The following ACOX2 variants were observed in gnomAD, a reference collection of about 807,000 sequenced individuals.
ACOX2 encodes the protein acyl-CoA oxidase 2, also known as peroxisomal acyl-coenzyme A oxidase 2.
A neutral mutation model predicts 77.5 loss-of-function variants in ACOX2; 59 were observed. The ratio of observed to expected loss-of-function variants is 0.76; its 90% CI spans 0.62 to 0.95. ACOX2 has a LOEUF of 0.95. ACOX2 is among the 40% of genes least tolerant of loss of function. The probability of loss-of-function intolerance (pLI) is 0.00; values close to 1 mark genes in which losing one functional copy is unlikely to be tolerated. For missense variants in ACOX2, 837 were observed against 880.4 expected (o/e 0.95, Z 0.62); for synonymous variants, 317 against 340.1 (o/e 0.93, Z 0.75).
At position 58,521,796 on chromosome 3, in the gene ACOX2, T is replaced by C. The variant is rs1257027810; in HGVS notation, c.1632+700A>G. On this transcript the variant is annotated intron_variant, in intron 12 of 14. Transcript: ENST00000302819. This position sits in a 1 kb window ranked among gnomAD's most constrained non-coding sequence, Gnocchi z 4.8. ...TCTCCTTAGGTCCTCCTTGGGAGAT[T>C]TGCACTTCCTCCCAAGCACACCAGG... Among the ~76,000 whole-genome samples, 5 of 152,132 alleles carry C rather than the reference T, an allele frequency of 3.3e-5. No individual in the cohort carries two copies. Among genetic ancestry groups the C allele is most frequent in the Non-Finnish European group, 5.9e-5 (4 of 68,022 alleles).
intron 5 of ACOX2, among the ~76,000 whole-genome samples, chr3:58,532,909 A>G (rs765376130): frequency 6.6e-6 from 1 of 152,216 alleles, no homozygotes; most frequent in Non-Finnish European, 1.5e-5. Flanking sequence ...ACCAAGCCTC[A>G]GGGACGCTTG....
intron 14 of ACOX2, among the ~76,000 whole-genome samples, chr3:58,506,875 G>A (rs541621074): frequency 2.7e-4 from 41 of 152,236 alleles, no homozygotes; most frequent in African/African-American, 9.6e-4. Context: ...GTCTCTTATT[G>A]CAGCTTCAAA....
In ACOX2 at chr3:58,531,429, TC is replaced by T; in HGVS notation, c.704-64del. The T allele has an allele frequency of 1.4e-6, 2 of 1,456,104 alleles. No individual in the cohort carries two copies. Among genetic ancestry groups the T allele is most frequent in the Non-Finnish European group, 1.9e-6 (2 of 1,043,538 alleles). The allele number at this position is 1,456,104 out of a possible 1,614,324, so 90.2% of individuals were successfully genotyped here. ...GAGAGTGCTTGCTATGTGGCAGGTA[TC>T]ATACACACATTCCAGGTCACAGCAG... is the stretch of plus-strand genomic sequence containing the variant. On this transcript the variant is annotated intron_variant, in intron 6 of 14. Coordinates refer to ENST00000302819, the MANE Select transcript of ACOX2 (RefSeq NM_003500.4). This position sits in a 1 kb window ranked among gnomAD's most constrained non-coding sequence, Gnocchi z 5.8.
chr3:58,530,750 C>A (rs1197124538), intron 7 of ACOX2, 112 bp from the exon 8 acceptor site: 3 of 1,298,646 alleles, frequency 2.3e-6, no homozygotes, highest in African/African-American at 1.5e-5. Context: ...CCTCAACCGG[C>A]GCATCTGGAG....
At chr3:58,511,189 A>T (rs956632125) in intron 13 of ACOX2, 19 of 345,444 alleles carry the variant, frequency 5.5e-5, no homozygotes, top group Non-Finnish European at 1.1e-4. Context: ...TTCCTCTTGC[A>T]TACTGGAGAA....
At position 58,521,162 on chromosome 3, in the gene ACOX2, G is replaced by A. The variant is rs945614076; in HGVS notation, c.1632+1334C>T. On this transcript the variant is annotated intron_variant, in intron 12 of 14. Transcript: ENST00000302819. This position sits in a 1 kb window ranked among gnomAD's most constrained non-coding sequence, Gnocchi z 4.8. Reference sequence around the variant, plus strand: ...TGACAGGACAGTTAGCACAGCAGGGGGTGCCCCTGCTGTAGGCTGAGCAGA... The same window carrying A: ...TGACAGGACAGTTAGCACAGCAGGGAGTGCCCCTGCTGTAGGCTGAGCAGA... Among the ~76,000 whole-genome samples the A allele has an allele frequency of 1.3e-5, 2 of 152,174 alleles. No individual in the cohort carries two copies. The highest frequency in any genetic ancestry group is 2.9e-5 in the Non-Finnish European group (2 of 68,030).
intron 7 of ACOX2, 116 bp from the exon 8 acceptor site, chr3:58,530,754 T>C: frequency 7.8e-7 from 1 of 1,279,674 alleles, no homozygotes; most frequent in African/African-American, 1.5e-5. Flanking sequence ...AACCGGCGCA[T>C]CTGGAGTTGG....
Position 58,530,600 on chromosome 3 carries a change from TG to T in ACOX2, c.857del (p.Ala286AspfsTer91). 6.2e-7 allele frequency: 1 copy of T among 1,614,224 alleles called. No individual in the cohort carries two copies. Among genetic ancestry groups the T allele is most frequent in the Non-Finnish European group, 8.5e-7 (1 of 1,180,040 alleles). ...PDGTYVKLGTAQSNYLPMVVV... is the reference protein window; with the variant it reads ...PDGTYVKLGTXQSNYLPMVVV... ...CCACCATGGGAAGGTAGTTGCTCTGTGCTGTACCGAGTTTGACGTAGGTGCC... is the reference window on the plus strand; with the variant it reads ...CCACCATGGGAAGGTAGTTGCTCTGTCTGTACCGAGTTTGACGTAGGTGCC... On this transcript the variant is annotated frameshift_variant, in exon 8 of 15. Transcript: ENST00000302819. LOFTEE classifies it high-confidence loss of function.
intron 13 of ACOX2, among the ~76,000 whole-genome samples, chr3:58,510,648 A>AT (rs1261536003): frequency 2.4e-4 from 9 of 37,450 alleles, no homozygotes; most frequent in Non-Finnish European, 4.4e-4. Flanking sequence ...AAAAAAAAAA[A>AT]AAAAAAAAAA....
At chr3:58,509,612 T>G (rs2063263036) in intron 13 of ACOX2, among the ~76,000 whole-genome samples, 1 of 140,480 alleles carries the variant, frequency 7.1e-6, no homozygotes, top group Non-Finnish European at 1.6e-5. Flanking sequence ...TTCAATCTGT[T>G]TTTTTTTTTT....
chr3:58,534,917 C>T lies in ACOX2; in HGVS notation c.160+30G>A, dbSNP rs1435543772. ...TACAAGAGAAGCATGGGGCATAAAA[C>T]AGATGTCCCATTCCCCAGCTTCCCC... On this transcript the variant is annotated intron_variant, in intron 2 of 14. Coordinates refer to ENST00000302819, the MANE Select transcript of ACOX2 (RefSeq NM_003500.4). The surrounding 1 kb of genome is among the most constrained non-coding windows in gnomAD (Gnocchi z 4.8). 1.2e-5 allele frequency: 19 copies of T among 1,613,522 alleles called. No homozygotes were observed. The highest frequency in any genetic ancestry group is 1.5e-5 in the Non-Finnish European group (18 of 1,179,586).
chr3:58,531,281 G>C lies in ACOX2; in HGVS notation c.789C>G (p.Pro263=). ...CAAAGCGACTCAGCATGTTCTCCCT[G>C]GGGACCCGCACATGGTTCAGCTGCA... The part of the protein sequence containing the change: ...GFLQLNHVRV[P]RENMLSRFAQ... The change falls in exon 7 of 15, where the codon CCC becomes CCG. Residue 263 remains proline, a synonymous_variant. Transcript: ENST00000302819. This position sits in a 1 kb window ranked among gnomAD's most constrained non-coding sequence, Gnocchi z 5.8. 2.5e-6 allele frequency: 4 copies of C among 1,613,198 alleles called. No individual in the cohort carries two copies. Among genetic ancestry groups the C allele is most frequent in the Non-Finnish European group, 3.4e-6 (4 of 1,179,918 alleles).
At position 58,517,435 on chromosome 3, in the gene ACOX2, C is replaced by T. The variant is rs372629072; in HGVS notation, c.1633-12G>A. ...TAGTAGCAGTGCACCTACAAAGACA[C>T]AAAGATATGTTCTCCTGATTTCTGG... On this transcript the variant is annotated splice_polypyrimidine_tract_variant and intron_variant, in intron 12 of 14. Coordinates refer to ENST00000302819, the MANE Select transcript of ACOX2 (RefSeq NM_003500.4). 20 of 1,611,750 alleles carry T rather than the reference C, an allele frequency of 1.2e-5. No individual in the cohort carries two copies. The East Asian group carries it at 1.6e-4, about 13-fold the overall frequency.
In ACOX2 at chr3:58,526,540, T is replaced by C. The variant is rs1447365457; in HGVS notation, c.1272A>G (p.Pro424=). The change falls in exon 10 of 15, where the codon CCA becomes CCG. Residue 424 remains proline, a synonymous_variant. Coordinates refer to ENST00000302819, the MANE Select transcript of ACOX2 (RefSeq NM_003500.4). The surrounding 1 kb of genome is among the most constrained non-coding windows in gnomAD (Gnocchi z 4.3). ...GHGYSKLSGL[P]SLVTKLSASC... ...AGGCCGACAATTTGGTGACCAGTGA[T>C]GGCAGGCCACTCAGCTTTGAGTAGC... 4 of 1,614,212 alleles carry C rather than the reference T, an allele frequency of 2.5e-6. No homozygotes were observed. The highest frequency in any genetic ancestry group is 2.5e-6 in the Non-Finnish European group (3 of 1,180,042).
At chr3:58,530,337 T>C in intron 8 of ACOX2, 129 bp downstream of exon 8, 1 of 1,311,096 alleles carries the variant, frequency 7.6e-7, no homozygotes, top group Admixed American at 2.1e-5. Flanking sequence ...TGTTTGTGTG[T>C]GTGTATGTGG....
Position 58,522,722 on chromosome 3 carries a change from A to C in ACOX2, c.1527-121T>G, listed in dbSNP as rs1331035092. On this transcript the variant is annotated intron_variant, in intron 11 of 14. Transcript: ENST00000302819. This position sits in a 1 kb window ranked among gnomAD's most constrained non-coding sequence, Gnocchi z 4.3. Reference sequence around the variant, plus strand: ...GTTTATTGACCACTTATGTGCCATAAAGCTAAATGATTGATATTTATTATC... The same window carrying C: ...GTTTATTGACCACTTATGTGCCATACAGCTAAATGATTGATATTTATTATC... The C allele has an allele frequency of 8.5e-6, 7 of 821,300 alleles. No individual in the cohort carries two copies. The highest frequency in any genetic ancestry group is 1.2e-5 in the Non-Finnish European group (6 of 498,750). The allele number at this position is 821,300 out of a possible 1,614,324, so 50.9% of individuals were successfully genotyped here.
At chr3:58,536,794 C>T (rs73838035) in intron 1 of ACOX2, among the ~76,000 whole-genome samples, 2,762 of 152,276 alleles carry the variant, frequency 0.018, 94 homozygotes, top group African/African-American at 0.063. Flanking sequence ...CAAGCCCCCT[C>T]CCCCGGCATT....
chr3:58,526,326 A>G lies in ACOX2; in HGVS notation c.1346+140T>C, dbSNP rs1203920244. The G allele has an allele frequency of 3.2e-6, 3 of 949,698 alleles. No homozygotes were observed. Among genetic ancestry groups the G allele is most frequent in the Non-Finnish European group, 3.1e-6 (2 of 644,554 alleles). 58.8% of individuals were successfully genotyped at this position (949,698 alleles called of 1,614,324 possible). ...GCCTAGAAGTGGATAGGTTAGTCAT[A>G]CTGGGGAATTGGACAGCTCCCAAAT... On this transcript the variant is annotated intron_variant, in intron 10 of 14. Coordinates refer to ENST00000302819, the MANE Select transcript of ACOX2 (RefSeq NM_003500.4). The surrounding 1 kb of genome is among the most constrained non-coding windows in gnomAD (Gnocchi z 4.3).
At chr3:58,511,169 T>G in intron 13 of ACOX2, 1 of 382,148 alleles carries the variant, frequency 2.6e-6, no homozygotes. Flanking sequence ...CCTTGTCTAC[T>G]AGATGTCTTT....
Sources: gnomAD v4.1 joint callset for allele counts (sites outside exome capture counted in the v4.1 genomes callset) on GRCh38, gnomAD v4.1.1 for gene constraint, Gnocchi (gnomAD v3.1) non-coding constraint, MANE v1.5 for transcripts, NCBI Gene and HGNC (gene_info 2026-07-23, HGNC 2026-07-21) for gene names.